Variants in GATAD1 observed in about 807,000 individuals in gnomAD.
GATAD1 encodes GATA zinc finger domain-containing protein 1.
GATAD1 carries 12 observed loss-of-function variants against 26.5 expected under a neutral mutation model. The observed-to-expected ratio is 0.45, with a 90% CI of 0.29 to 0.73. GATAD1 has a LOEUF of 0.73. Ranked by LOEUF, GATAD1 falls within the 30% of genes least tolerant of loss-of-function variation. The pLI is 0.10. For missense variants in GATAD1, 266 were observed against 342.1 expected (o/e 0.78, Z 1.75); for synonymous variants, 129 against 133.1 (o/e 0.97, Z 0.21).
At position 92,458,832 on chromosome 7, in the gene GATAD1, G is replaced by A. The variant is rs1055343923; in HGVS notation, c.*2270G>A. ...TTTGGATTAAAATGTATTTTTCACC[G>A]TGCATTTACTTTGGATGTATTTATT... On this transcript the variant is annotated 3_prime_UTR_variant, in exon 5 of 5. Coordinates refer to ENST00000287957, the MANE Select transcript of GATAD1 (RefSeq NM_021167.5). 8 of 152,132 alleles carry A rather than the reference G, an allele frequency of 5.3e-5. No homozygotes were observed. The highest frequency in any genetic ancestry group is 1.7e-4 in the African/African-American group (7 of 41,426). 9.4% of individuals were successfully genotyped at this position (152,132 alleles called of 1,614,324 possible). A position where few individuals can be genotyped will look rare whatever the true frequency, so the allele number is the denominator to read the frequency against.
the GATAD1 span, among the ~76,000 whole-genome samples, chr7:92,474,225 T>G: frequency 1.6e-3 from 238 of 152,202 alleles, 3 homozygotes; most frequent in African/African-American, 5.6e-3. Flanking sequence ...CCAAGTTCAA[T>G]AGGGTTTCTA....
At chr7:92,473,399 G>C in the GATAD1 span, among the ~76,000 whole-genome samples, 2 of 152,028 alleles carry the variant, frequency 1.3e-5, no homozygotes, top group Non-Finnish European at 2.9e-5. Flanking sequence ...TGGGTCTGAG[G>C]GGGTACTGCC....
the GATAD1 span, among the ~76,000 whole-genome samples, chr7:92,478,435 T>TGGGAGATG: frequency 6.6e-6 from 1 of 152,100 alleles, no homozygotes; most frequent in African/African-American, 2.4e-5. Flanking sequence ...CGGGAATAAG[T>TGGGAGATG]GGCAGATGTT....
chr7:92,455,618 T>C (rs1157464254), intron 4 of GATAD1, among the ~76,000 whole-genome samples: 1 of 152,214 alleles, frequency 6.6e-6, no homozygotes, highest in Non-Finnish European at 1.5e-5. Flanking sequence ...ACTTCAGACT[T>C]TTTATCTTTC....
intron 3 of GATAD1, among the ~76,000 whole-genome samples, chr7:92,453,278 G>A (rs1026810178): frequency 2.0e-5 from 3 of 152,204 alleles, no homozygotes; most frequent in Non-Finnish European, 4.4e-5. Flanking sequence ...CCGTAGTCAA[G>A]GACAGTATAT....
chr7:92,483,039 GCAGTGT>G, the GATAD1 span, among the ~76,000 whole-genome samples: 6 of 152,210 alleles, frequency 3.9e-5, no homozygotes, highest in African/African-American at 1.2e-4. Flanking sequence ...AAGTGATCGG[GCAGTGT>G]CAGTCTTCAG....
the GATAD1 span, chr7:92,494,195 TC>T: frequency 1.2e-6 from 1 of 869,110 alleles, no homozygotes; most frequent in East Asian, 2.6e-5. Flanking sequence ...AGAAAGCTGG[TC>T]TTCTAAGGAC....
chr7:92,488,666 A>G, the GATAD1 span, among the ~76,000 whole-genome samples: 15 of 152,340 alleles, frequency 9.8e-5, no homozygotes, highest in East Asian at 2.5e-3. Flanking sequence ...AAAATTTTAT[A>G]AACTATACAT....
the GATAD1 span, among the ~76,000 whole-genome samples, chr7:92,492,188 C>T: frequency 6.6e-6 from 1 of 152,154 alleles, no homozygotes; most frequent in African/African-American, 2.4e-5. Flanking sequence ...ATTCTGTCAT[C>T]CATGCTGGAG....
At chr7:92,465,932 T>C in the GATAD1 span, among the ~76,000 whole-genome samples, 8 of 150,524 alleles carry the variant, frequency 5.3e-5, no homozygotes, top group African/African-American at 2.0e-4. Context: ...ACCTGGGCAG[T>C]GGGGAGGTTG....
chr7:92,448,696 C>G (rs1789282611), intron 1 of GATAD1, 56 bp from the exon 2 acceptor site: 1 of 1,422,994 alleles, frequency 7.0e-7, no homozygotes, highest in African/African-American at 1.4e-5. Context: ...GTACTGCAAC[C>G]TTTATGCACT....
intron 4 of GATAD1, among the ~76,000 whole-genome samples, chr7:92,455,448 C>T: frequency 6.6e-6 from 1 of 152,258 alleles, no homozygotes; most frequent in South Asian, 2.1e-4. Flanking sequence ...CCTCTGCATG[C>T]TACACATGTC....
Position 92,447,617 on chromosome 7 carries a change from G to GCT in GATAD1, c.-109_-108dup. On this transcript the variant is annotated 5_prime_UTR_variant, in exon 1 of 5. Coordinates refer to ENST00000287957, the MANE Select transcript of GATAD1 (RefSeq NM_021167.5). ...CTTTCACCGGCAGCTCCGTGCCGAC[G>GCT]CTCTCACCGCTCTTCCTATCGCCGG... 1 of 1,286,888 alleles carries GCT rather than the reference G, an allele frequency of 7.8e-7. No homozygotes were observed. The highest frequency in any genetic ancestry group is 9.9e-7 in the Non-Finnish European group (1 of 1,008,358). The allele number at this position is 1,286,888 out of a possible 1,614,324, so 79.7% of individuals were successfully genotyped here. A position where few individuals can be genotyped will look rare whatever the true frequency, so the allele number is the denominator to read the frequency against.
intron 3 of GATAD1, 111 bp from the exon 4 acceptor site, chr7:92,454,391 C>T (rs919637934): frequency 1.1e-5 from 9 of 792,952 alleles, no homozygotes; most frequent in African/African-American, 3.5e-5. Flanking sequence ...TAGACTATCT[C>T]GAACACCTTT....
the GATAD1 span, among the ~76,000 whole-genome samples, chr7:92,478,526 T>C: frequency 6.6e-6 from 1 of 152,152 alleles, no homozygotes; most frequent in African/African-American, 2.4e-5. Context: ...TATGAGAGGC[T>C]AGGTGGATGC....
chr7:92,461,285 C>G (rs1022421395), downstream of GATAD1: 3 of 152,262 alleles, frequency 2.0e-5, no homozygotes, highest in Non-Finnish European at 4.4e-5. Context: ...TTTTTCTTTC[C>G]TGTCCTCCAC....
chr7:92,476,600 T>A, the GATAD1 span, among the ~76,000 whole-genome samples: 7 of 152,128 alleles, frequency 4.6e-5, no homozygotes, highest in Admixed American at 3.9e-4. Flanking sequence ...TCTTTGACTC[T>A]CTCTCTCTCC....
rs1789846844 is a variant in GATAD1, at chr7:92,459,712, TC to T, written c.*3152del. ...TTGTCATCACATTTAAGTTTCTACT[TC>T]CATCATCCTCACTCCTATCCCTTTG... On this transcript the variant is annotated 3_prime_UTR_variant, in exon 5 of 5. Transcript: ENST00000287957. Among the ~76,000 whole-genome samples the T allele has an allele frequency of 6.6e-6, 1 of 152,210 alleles. No homozygotes were observed. Among genetic ancestry groups the T allele is most frequent in the Admixed American group, 6.5e-5 (1 of 15,286 alleles).
the GATAD1 span, chr7:92,494,091 A>C: frequency 3.6e-6 from 2 of 552,188 alleles, no homozygotes; most frequent in African/African-American, 3.8e-5. Context: ...AGGATTACAA[A>C]GTTTTCAGAC....
Sources: gnomAD v4.1 joint callset for allele counts (sites outside exome capture counted in the v4.1 genomes callset) on GRCh38, gnomAD v4.1.1 for gene constraint, MANE v1.5 for transcripts, NCBI Gene and HGNC (gene_info 2026-07-23, HGNC 2026-07-21) for gene names.